POFUT3: variants seen among roughly 807,000 people sequenced by gnomAD.
The protein encoded by POFUT3 is GDP-fucose protein O-fucosyltransferase 3.
At chr8:33,451,278 C>T in the POFUT3 span, among the ~76,000 whole-genome samples, 10 of 151,972 alleles carry the variant, frequency 6.6e-5, no homozygotes, top group Non-Finnish European at 1.0e-4. Flanking sequence ...CACGTTGGTG[C>T]TCAGAAAGTT....
At chr8:33,438,882 G>A in the POFUT3 span, among the ~76,000 whole-genome samples, 1 of 152,072 alleles carries the variant, frequency 6.6e-6, no homozygotes, top group Non-Finnish European at 1.5e-5. Context: ...AACAGTCTGG[G>A]GGAAACCGCT....
the POFUT3 span, among the ~76,000 whole-genome samples, chr8:33,416,976 C>T: frequency 2.3e-4 from 35 of 152,172 alleles, no homozygotes; most frequent in Non-Finnish European, 4.4e-4. Flanking sequence ...GGCCATAGGC[C>T]GGTATCCATC....
the POFUT3 span, among the ~76,000 whole-genome samples, chr8:33,403,796 A>C: frequency 3.9e-5 from 6 of 152,174 alleles, no homozygotes; most frequent in African/African-American, 1.4e-4. Flanking sequence ...AGTAAGACGA[A>C]CTCTGTCCCA....
chr8:33,443,139 T>C, the POFUT3 span, among the ~76,000 whole-genome samples: 2 of 152,122 alleles, frequency 1.3e-5, no homozygotes, highest in Admixed American at 6.6e-5. Flanking sequence ...GAAAGAATTA[T>C]GTCTTTACAT....
the POFUT3 span, among the ~76,000 whole-genome samples, chr8:33,312,837 T>C: frequency 6.6e-6 from 1 of 152,050 alleles, no homozygotes; most frequent in South Asian, 2.1e-4. Flanking sequence ...TAAGTCAACC[T>C]CCTCCTGGCT....
chr8:33,354,344 G>GT, the POFUT3 span, among the ~76,000 whole-genome samples: 10 of 152,264 alleles, frequency 6.6e-5, no homozygotes, highest in African/African-American at 2.4e-4. Flanking sequence ...GTAATTCCCT[G>GT]TAAGTCCAAA....
At chr8:33,330,918 A>G in the POFUT3 span, among the ~76,000 whole-genome samples, 26 of 152,236 alleles carry the variant, frequency 1.7e-4, no homozygotes, top group East Asian at 4.4e-3. Context: ...TGAAGTCTCT[A>G]TGGGGAGGCA....
chr8:33,338,093 G>A, the POFUT3 span, among the ~76,000 whole-genome samples: 1 of 152,066 alleles, frequency 6.6e-6, no homozygotes, highest in East Asian at 1.9e-4. Flanking sequence ...TATTAGATTA[G>A]GGCCACCCCT....
chr8:33,444,414 C>T, the POFUT3 span, among the ~76,000 whole-genome samples: 2 of 151,984 alleles, frequency 1.3e-5, no homozygotes, highest in South Asian at 2.1e-4. Context: ...ATGGGCAGAA[C>T]GTGTGTGCTC....
the POFUT3 span, among the ~76,000 whole-genome samples, chr8:33,353,690 C>T: frequency 6.6e-6 from 1 of 152,098 alleles, no homozygotes; most frequent in African/African-American, 2.4e-5. Context: ...TGAGATCTGG[C>T]ACCTGAGCCA....
At chr8:33,393,218 C>T in the POFUT3 span, among the ~76,000 whole-genome samples, 6 of 152,138 alleles carry the variant, frequency 3.9e-5, no homozygotes, top group African/African-American at 1.4e-4. Flanking sequence ...ATGGTATATC[C>T]ATAAAAATGT....
At chr8:33,448,185 A>AT in the POFUT3 span, among the ~76,000 whole-genome samples, 5 of 146,838 alleles carry the variant, frequency 3.4e-5, no homozygotes, top group African/African-American at 4.9e-5. Flanking sequence ...TACAAAAAAA[A>AT]ATTTTTTTTT....
chr8:33,424,536 C>T, the POFUT3 span, among the ~76,000 whole-genome samples: 644 of 152,296 alleles, frequency 4.2e-3, no homozygotes, highest in African/African-American at 0.015. Context: ...TATACTGGGA[C>T]AGGATGCTTT....
chr8:33,331,156 C>T, the POFUT3 span, among the ~76,000 whole-genome samples: 1 of 151,668 alleles, frequency 6.6e-6, no homozygotes, highest in East Asian at 2.0e-4. Flanking sequence ...GCCTGGCTAA[C>T]GTGATGAAAC....
At chr8:33,326,296 G>A in the POFUT3 span, among the ~76,000 whole-genome samples, 1 of 152,032 alleles carries the variant, frequency 6.6e-6, no homozygotes, top group Non-Finnish European at 1.5e-5. Context: ...CTACACTGGG[G>A]CTCCAGCATG....
At chr8:33,409,949 A>G in the POFUT3 span, among the ~76,000 whole-genome samples, 1 of 152,210 alleles carries the variant, frequency 6.6e-6, no homozygotes, top group Admixed American at 6.5e-5. Flanking sequence ...ATTAGAAGAC[A>G]AGACACACAG....
chr8:33,383,393 C>A, the POFUT3 span, among the ~76,000 whole-genome samples: 1 of 152,190 alleles, frequency 6.6e-6, no homozygotes, highest in African/African-American at 2.4e-5. Flanking sequence ...AAATTAATAT[C>A]ACCTGCTTTA....
chr8:33,353,366 C>G, the POFUT3 span, among the ~76,000 whole-genome samples: 1 of 152,130 alleles, frequency 6.6e-6, no homozygotes, highest in Non-Finnish European at 1.5e-5. Context: ...GCTGAACTCA[C>G]GCATGTTTTG....
chr8:33,308,995 G>T, the POFUT3 span, among the ~76,000 whole-genome samples: 39 of 150,084 alleles, frequency 2.6e-4, no homozygotes, highest in Non-Finnish European at 4.3e-4. Flanking sequence ...TCTGGTGGGT[G>T]TAGCGTCTGA....
Sources: gnomAD v4.1 joint callset for allele counts (sites outside exome capture counted in the v4.1 genomes callset) on GRCh38, gnomAD v4.1.1 for gene constraint, MANE v1.5 for transcripts, NCBI Gene and HGNC (gene_info 2026-07-23, HGNC 2026-07-21) for gene names.